LINGO2: variants seen among roughly 807,000 people sequenced by gnomAD.
LINGO2 encodes leucine-rich repeat and immunoglobulin-like domain-containing nogo receptor-interacting protein 2.
In LINGO2, 14 loss-of-function variants were observed where a neutral mutation model predicts 30.6. The observed-to-expected ratio is 0.46, with a 90% CI of 0.30 to 0.72. The LOEUF is 0.72. LINGO2 is among the 30% of genes least tolerant of loss of function. The pLI, the probability that LINGO2 is intolerant of heterozygous loss-of-function variation, is 0.07. For synonymous variants in LINGO2, 317 were observed against 288.5 expected (o/e 1.10, Z -1.00); for missense variants, 729 against 751.7 (o/e 0.97, Z 0.35).
chr9:28,666,183 C>T (rs374245537), intron 1 of LINGO2, among the ~76,000 whole-genome samples: 13 of 151,966 alleles, frequency 8.6e-5, no homozygotes, highest in African/African-American at 2.4e-4. Context: ...TGAGTCACTG[C>T]GCCCGGCTTA....
chr9:29,038,921 T>A, the LINGO2 span, among the ~76,000 whole-genome samples: 1 of 152,178 alleles, frequency 6.6e-6, no homozygotes, highest in African/African-American at 2.4e-5. Context: ...ACTGACTTTA[T>A]AAATTGTTGA....
At chr9:28,763,327 T>C in the LINGO2 span, among the ~76,000 whole-genome samples, 1 of 152,046 alleles carries the variant, frequency 6.6e-6, no homozygotes, top group African/African-American at 2.4e-5. Flanking sequence ...ACTGAAATCA[T>C]ACTAAGTATA....
chr9:28,793,831 C>T, the LINGO2 span, among the ~76,000 whole-genome samples: 3 of 152,294 alleles, frequency 2.0e-5, no homozygotes, highest in South Asian at 6.2e-4. Context: ...TCCAATTCTG[C>T]ATCTCAATAT....
In LINGO2 at chr9:28,287,053, G is replaced by T. The variant is rs73645630; in HGVS notation, c.-87+8155C>A. Among the ~76,000 whole-genome samples the T allele has an allele frequency of 2.8e-3, 431 of 152,212 alleles. 3 individuals are homozygous for T. The highest frequency in any genetic ancestry group is 1.0e-2 in the African/African-American group (414 of 41,534). On this transcript the variant is annotated intron_variant, in intron 4 of 5. Coordinates refer to ENST00000379992, the Ensembl canonical transcript of LINGO2. ...AGACCTGAGTATGTATGGGGCTCTG[G>T]GGTTAAGTCTTAAGGAAGAAAGACA...
chr9:28,499,796 T>C (rs997086454), intron 1 of LINGO2, among the ~76,000 whole-genome samples: 1 of 152,162 alleles, frequency 6.6e-6, no homozygotes, highest in Non-Finnish European at 1.5e-5. Flanking sequence ...TTTGCAGAAC[T>C]TCTCTCTCCT....
intron 5 of LINGO2, among the ~76,000 whole-genome samples, chr9:27,971,903 G>T (rs553368209): frequency 1.5e-4 from 23 of 152,240 alleles, no homozygotes; most frequent in African/African-American, 5.5e-4. Context: ...TATTTAGATA[G>T]AGTGCTCTTC....
chr9:28,572,029 A>G (rs554094312), intron 1 of LINGO2, among the ~76,000 whole-genome samples: 2 of 152,170 alleles, frequency 1.3e-5, no homozygotes, highest in South Asian at 2.1e-4. Flanking sequence ...TGAAAATTAC[A>G]TGAAAAATAT....
At chr9:28,144,052 G>A (rs1447899606) in intron 4 of LINGO2, among the ~76,000 whole-genome samples, 1 of 152,032 alleles carries the variant, frequency 6.6e-6, no homozygotes, top group African/African-American at 2.4e-5. Flanking sequence ...ATTGAAACAG[G>A]TAGGTACGTA....
At chr9:28,660,058 A>G (rs1828526042) in intron 1 of LINGO2, among the ~76,000 whole-genome samples, 1 of 152,172 alleles carries the variant, frequency 6.6e-6, no homozygotes, top group Non-Finnish European at 1.5e-5. Flanking sequence ...ATATTAAACA[A>G]AAATGAAGTT....
chr9:28,185,823 G>T (rs529147140), intron 4 of LINGO2, among the ~76,000 whole-genome samples: 6 of 152,196 alleles, frequency 3.9e-5, no homozygotes, highest in Non-Finnish European at 7.4e-5. Flanking sequence ...TCTAGGGAAT[G>T]GTCAGAAATC....
intron 5 of LINGO2, among the ~76,000 whole-genome samples, chr9:27,981,570 G>GAAAAAAAAAAGA (rs1563878882): frequency 9.9e-6 from 1 of 101,514 alleles, no homozygotes; most frequent in Non-Finnish European, 2.0e-5. Context: ...GAAAAAAAAA[G>GAAAAAAAAAAGA]AAAAAAAAAA....
intron 5 of LINGO2, among the ~76,000 whole-genome samples, chr9:27,986,404 G>T (rs1465069554): frequency 6.6e-6 from 1 of 151,866 alleles, no homozygotes; most frequent in African/African-American, 2.4e-5. Context: ...AGGAAGTGGG[G>T]CAACGGGAGG....
At chr9:28,318,957 C>T (rs974837267) in intron 3 of LINGO2, among the ~76,000 whole-genome samples, 1 of 152,146 alleles carries the variant, frequency 6.6e-6, no homozygotes, top group Non-Finnish European at 1.5e-5. Context: ...CTGCTTGCTA[C>T]ATACACTTGG....
At chr9:28,146,834 T>C (rs1827828811) in intron 4 of LINGO2, among the ~76,000 whole-genome samples, 1 of 152,230 alleles carries the variant, frequency 6.6e-6, no homozygotes, top group African/African-American at 2.4e-5. Flanking sequence ...ACTATGAACT[T>C]GTAAATAATG....
intron 5 of LINGO2, among the ~76,000 whole-genome samples, chr9:27,974,140 G>A (rs114393468): frequency 1.6e-3 from 237 of 152,202 alleles, no homozygotes; most frequent in African/African-American, 5.5e-3. Context: ...CAACTGCTGC[G>A]TGAACACGCA....
At chr9:28,854,767 A>G in the LINGO2 span, among the ~76,000 whole-genome samples, 4 of 151,964 alleles carry the variant, frequency 2.6e-5, no homozygotes, top group African/African-American at 9.7e-5. Context: ...TCAGTTCTAG[A>G]ACTTCAATAC....
At chr9:28,328,586 T>A (rs1370009624) in intron 3 of LINGO2, among the ~76,000 whole-genome samples, 4 of 150,566 alleles carry the variant, frequency 2.7e-5, no homozygotes, top group Non-Finnish European at 5.9e-5. Flanking sequence ...ACGGAAATAA[T>A]TTAGAATGCT....
At chr9:28,235,977 G>C (rs1821549571) in intron 4 of LINGO2, among the ~76,000 whole-genome samples, 1 of 152,094 alleles carries the variant, frequency 6.6e-6, no homozygotes, top group Non-Finnish European at 1.5e-5. Flanking sequence ...AAATACACAA[G>C]AGGGAAACAG....
At chr9:28,323,557 G>C (rs117657864) in intron 3 of LINGO2, among the ~76,000 whole-genome samples, 1 of 152,082 alleles carries the variant, frequency 6.6e-6, no homozygotes, top group African/African-American at 2.4e-5. Flanking sequence ...CTGAGATCAC[G>C]TCATTGCACT....
Sources: gnomAD v4.1 joint callset for allele counts (sites outside exome capture counted in the v4.1 genomes callset) on GRCh38, gnomAD v4.1.1 for gene constraint, MANE v1.5 for transcripts, NCBI Gene and HGNC (gene_info 2026-07-23, HGNC 2026-07-21) for gene names.